MAP3K20: variants seen among roughly 807,000 people sequenced by gnomAD.
MAP3K20 encodes the protein HCCS-4.
A neutral mutation model predicts 85.7 loss-of-function variants in MAP3K20; 40 were observed. The observed-to-expected ratio is 0.47, with a 90% confidence interval of 0.36 to 0.61. The LOEUF is 0.61. Ranked by LOEUF, MAP3K20 falls within the 20% of genes least tolerant of loss-of-function variation. MAP3K20 has a pLI of 0.00. For synonymous variants in MAP3K20, 325 were observed against 327.7 expected, an observed-to-expected ratio of 0.99 and a Z score of 0.09; for missense variants, 817 against 961.7, an observed-to-expected ratio of 0.85 and a Z score of 1.99.
At chr2:173,226,983 T>G (rs1219123041) in intron 11 of MAP3K20, 11 of 985,804 alleles carry the variant, frequency 1.1e-5, no homozygotes, top group Non-Finnish European at 1.3e-5. Flanking sequence ...GTGGTAAGAC[T>G]ATTTCAGTTA....
intron 2 of MAP3K20, among the ~76,000 whole-genome samples, chr2:173,114,661 T>C (rs1400561034): frequency 6.6e-6 from 1 of 152,196 alleles, no homozygotes; most frequent in South Asian, 2.1e-4. Context: ...TTCATACATG[T>C]GCTTAGCTTC....
chr2:173,241,830 C>G (rs1684789857), intron 16 of MAP3K20, among the ~76,000 whole-genome samples: 3 of 152,144 alleles, frequency 2.0e-5, no homozygotes, highest in Admixed American at 1.3e-4. Flanking sequence ...GCTCTGGATA[C>G]AGGTTTCTTA....
At chr2:173,124,540 G>A (rs541086378) in intron 2 of MAP3K20, among the ~76,000 whole-genome samples, 1 of 152,320 alleles carries the variant, frequency 6.6e-6, no homozygotes, top group South Asian at 2.1e-4. Flanking sequence ...GTGCTGGTGA[G>A]GCTTGATGTA....
chr2:173,228,318 C>G (rs1224028124), intron 11 of MAP3K20, among the ~76,000 whole-genome samples: 1 of 152,054 alleles, frequency 6.6e-6, no homozygotes, highest in African/African-American at 2.4e-5. Flanking sequence ...CCCTCCTGTC[C>G]CTCCCTCTCC....
In MAP3K20 at chr2:173,232,347, A is replaced by T; in HGVS notation, c.1091A>T (p.Tyr364Phe). 1.9e-6 allele frequency: 3 copies of T among 1,614,230 alleles called. No homozygotes were observed. In the South Asian group the frequency reaches 3.3e-5, roughly 18 times the overall value. The change falls in exon 14 of 20, where the codon TAT becomes TTT. Residue 364 changes from tyrosine to phenylalanine, a missense_variant. Tyr to Phe is a conservative substitution (Grantham distance 22). Around this residue, in one of 4 missense-constraint regions of MAP3K20, gnomAD observed 158 missense variants for 162.0 expected, o/e 0.98. Transcript: ENST00000375213. ...KGDSSAEMSV[Y>F]ASLFKENNIT... Reference sequence around the variant, plus strand: ...GACTCTTCAGCAGAGATGAGTGTATATGCAAGCTTGTTTAAAGAAAACAAC... The same window carrying T: ...GACTCTTCAGCAGAGATGAGTGTATTTGCAAGCTTGTTTAAAGAAAACAAC...
chr2:173,119,692 A>G (rs1157162990), intron 2 of MAP3K20, among the ~76,000 whole-genome samples: 1 of 152,212 alleles, frequency 6.6e-6, no homozygotes, highest in Non-Finnish European at 1.5e-5. Flanking sequence ...TACACCATCT[A>G]CACACACTTG....
At chr2:173,201,924 A>C (rs1206533860) in intron 8 of MAP3K20, among the ~76,000 whole-genome samples, 1 of 152,184 alleles carries the variant, frequency 6.6e-6, no homozygotes, top group Non-Finnish European at 1.5e-5. Flanking sequence ...ACAGTTTTTC[A>C]GTAAGAAAAG....
In MAP3K20 at chr2:173,225,130, A is replaced by C. The variant is rs1574134747; in HGVS notation, c.988-4559A>C. 4.8e-6 allele frequency: 4 copies of C among 836,054 alleles called. No homozygotes were observed. The African/African-American group carries it at 2.2e-4, about 46-fold the overall frequency. The allele number at this position is 836,054 out of a possible 1,614,324, so 51.8% of individuals were successfully genotyped here. ...AAGTTATCTTGTAGAATTTGATGAGACCCTCCCTAGTCATTCTCAACTGGG... is the reference window on the plus strand; with the variant it reads ...AAGTTATCTTGTAGAATTTGATGAGCCCCTCCCTAGTCATTCTCAACTGGG... On this transcript the variant is annotated intron_variant, in intron 11 of 19. Coordinates refer to ENST00000375213, the MANE Select transcript of MAP3K20 (RefSeq NM_016653.3).
intron 1 of MAP3K20, among the ~76,000 whole-genome samples, chr2:173,083,112 A>G (rs943522297): frequency 8.5e-5 from 13 of 152,304 alleles, no homozygotes; most frequent in African/African-American, 3.1e-4. Flanking sequence ...TTACTTTTAT[A>G]TGGTAAAGAT....
intron 11 of MAP3K20, chr2:173,222,779 T>C (rs2106322587): frequency 1.0e-6 from 1 of 985,434 alleles, no homozygotes; most frequent in East Asian, 1.1e-4. Flanking sequence ...TTAATAATGT[T>C]GGTGTTTTAG....
intron 2 of MAP3K20, among the ~76,000 whole-genome samples, chr2:173,156,950 CTTCTT>C (rs1414428220): frequency 6.6e-6 from 1 of 152,190 alleles, no homozygotes; most frequent in East Asian, 1.9e-4. Context: ...CACCTGGAAT[CTTCTT>C]TTAAAGACTG....
At chr2:173,228,816 C>CT (rs34773899) in intron 11 of MAP3K20, among the ~76,000 whole-genome samples, 2 of 3,880 alleles carry the variant, frequency 5.2e-4, no homozygotes, top group Admixed American at 4.5e-3. Flanking sequence ...CCAAACTCAA[C>CT]TTTTTTTTGA....
intron 7 of MAP3K20, among the ~76,000 whole-genome samples, chr2:173,194,175 G>A (rs1039030821): frequency 6.6e-6 from 1 of 152,190 alleles, no homozygotes; most frequent in Non-Finnish European, 1.5e-5. Context: ...CTCACAGAAT[G>A]TTGTGTCAGC....
At chr2:173,229,877 C>A in intron 12 of MAP3K20, 144 bp downstream of exon 12, 1 of 926,294 alleles carries the variant, frequency 1.1e-6, no homozygotes, top group Non-Finnish European at 1.7e-6. Flanking sequence ...GTCTCCCAGG[C>A]TGGAGTGCAG....
chr2:173,227,184 G>GT (rs1379726464), intron 11 of MAP3K20: 1 of 964,406 alleles, frequency 1.0e-6, no homozygotes, highest in Non-Finnish European at 1.2e-6. Context: ...TAAGATCCCT[G>GT]TTAGATTGGA....
chr2:173,190,387 T>A (rs1272014785), intron 5 of MAP3K20, among the ~76,000 whole-genome samples: 2 of 152,216 alleles, frequency 1.3e-5, no homozygotes, highest in Non-Finnish European at 2.9e-5. Flanking sequence ...CAGACTTGCT[T>A]ACAGTCCTGT....
intron 15 of MAP3K20, 145 bp downstream of exon 15, chr2:173,238,580 C>G: frequency 1.4e-6 from 1 of 698,152 alleles, no homozygotes; most frequent in African/African-American, 1.8e-5. Context: ...CCCTTTGAAG[C>G]AAGGGAAGTG....
intron 16 of MAP3K20, among the ~76,000 whole-genome samples, chr2:173,246,075 C>T (rs550599464): frequency 6.6e-6 from 1 of 152,264 alleles, no homozygotes; most frequent in Non-Finnish European, 1.5e-5. Flanking sequence ...CTGGTGAGCA[C>T]TTTGCAAAGG....
intron 3 of MAP3K20, among the ~76,000 whole-genome samples, chr2:173,178,997 A>C (rs948833261): frequency 6.6e-6 from 1 of 152,212 alleles, no homozygotes; most frequent in African/African-American, 2.4e-5. Flanking sequence ...GAAATCAGTC[A>C]ATGTAAGGTA....
Sources: gnomAD v4.1 joint callset for allele counts (sites outside exome capture counted in the v4.1 genomes callset) on GRCh38, gnomAD v4.1.1 for gene constraint, gnomAD v4.1.1 regional missense constraint, MANE v1.5 for transcripts, NCBI Gene and HGNC (gene_info 2026-07-23, HGNC 2026-07-21) for gene names.